WDR7: variants seen among roughly 807,000 people sequenced by gnomAD.
WDR7 encodes WD repeat-containing protein 7.
Under a neutral mutation model 169.4 loss-of-function variants are expected in WDR7, and 46 were observed. That is an observed-to-expected ratio of 0.27 (90% confidence interval 0.21 to 0.35). The LOEUF is 0.35. Ranked by LOEUF, WDR7 falls within the 10% of genes least tolerant of loss-of-function variation. The probability of loss-of-function intolerance (pLI) is 1.00; values close to 1 mark genes in which losing one functional copy is unlikely to be tolerated. For synonymous variants in WDR7, 612 were observed against 666.8 expected, an observed-to-expected ratio of 0.92 and a Z score of 1.27; for missense variants, 1,534 against 1,859.3, an observed-to-expected ratio of 0.83 and a Z score of 3.22.
intron 12 of WDR7, among the ~76,000 whole-genome samples, chr18:56,708,349 G>A (rs766201665): frequency 1.3e-5 from 2 of 151,940 alleles, no homozygotes; most frequent in Admixed American, 6.6e-5. Flanking sequence ...TTTATTTCTT[G>A]TAATGATATA....
chr18:56,715,457 G>A (rs2026170974), intron 12 of WDR7, among the ~76,000 whole-genome samples: 1 of 152,216 alleles, frequency 6.6e-6, no homozygotes, highest in Admixed American at 6.5e-5. Flanking sequence ...AAATAGGTCA[G>A]TTAGATGTGT....
chr18:56,824,157 A>G (rs2045154797), intron 20 of WDR7, among the ~76,000 whole-genome samples: 1 of 152,178 alleles, frequency 6.6e-6, no homozygotes, highest in Non-Finnish European at 1.5e-5. Flanking sequence ...CATACTTTGC[A>G]TGTGCCCCTC....
At chr18:56,972,993 A>G (rs2047513011) in intron 26 of WDR7, among the ~76,000 whole-genome samples, 1 of 152,114 alleles carries the variant, frequency 6.6e-6, no homozygotes, top group Non-Finnish European at 1.5e-5. Flanking sequence ...CTGCCTATGT[A>G]GCTGGGATTA....
chr18:56,817,767 A>C (rs529462221), intron 20 of WDR7, among the ~76,000 whole-genome samples: 4 of 148,178 alleles, frequency 2.7e-5, no homozygotes, highest in African/African-American at 1.0e-4. Context: ...TTTTTTTGAG[A>C]TGGAGTCTTG....
intron 10 of WDR7, 68 bp from the exon 11 acceptor site, chr18:56,694,882 T>C: frequency 1.3e-6 from 2 of 1,549,944 alleles, no homozygotes; most frequent in Non-Finnish European, 1.7e-6. Context: ...TCAACATTAT[T>C]TTAATGTTTT....
rs934084276 is a variant in WDR7, at chr18:56,834,679, A to G, written c.3304+18535A>G. 2.6e-5 allele frequency among the ~76,000 whole-genome samples: 4 copies of G among 152,086 alleles called. No individual in the cohort carries two copies. In the South Asian group the frequency reaches 8.3e-4, roughly 32 times the overall value. On this transcript the variant is annotated intron_variant, in intron 20 of 27. Coordinates refer to ENST00000254442, the MANE Select transcript of WDR7 (RefSeq NM_015285.3). ...TATTACACAACTATTTTCTTCCTTT[A>G]TCTGGATGGTGTATAATTTTGAAAT...
At chr18:56,674,745 A>G (rs1388370194) in intron 2 of WDR7, among the ~76,000 whole-genome samples, 3 of 152,184 alleles carry the variant, frequency 2.0e-5, no homozygotes, top group Non-Finnish European at 4.4e-5. Flanking sequence ...CCGTTGCTAA[A>G]TCTAAGGTCA....
chr18:56,863,343 T>C (rs573511897), intron 20 of WDR7, among the ~76,000 whole-genome samples: 10 of 151,882 alleles, frequency 6.6e-5, no homozygotes, highest in Middle Eastern at 3.4e-3. Context: ...GTTACAAATA[T>C]TGATTCTGTA....
chr18:56,870,106 A>G (rs2045933294), intron 20 of WDR7, among the ~76,000 whole-genome samples: 1 of 152,170 alleles, frequency 6.6e-6, no homozygotes, highest in South Asian at 2.1e-4. Context: ...TTGACTTCAA[A>G]GACTTGGGGT....
At chr18:56,712,586 G>A (rs1015481121) in intron 12 of WDR7, among the ~76,000 whole-genome samples, 6 of 152,080 alleles carry the variant, frequency 3.9e-5, no homozygotes, top group African/African-American at 1.4e-4. Context: ...ACTTTTAATT[G>A]GCATTTGATG....
intron 20 of WDR7, among the ~76,000 whole-genome samples, chr18:56,877,639 T>G (rs1331606651): frequency 6.6e-6 from 1 of 152,224 alleles, no homozygotes; most frequent in African/African-American, 2.4e-5. Flanking sequence ...TTGGTGTGTT[T>G]ATCTGTTGGT....
intron 20 of WDR7, among the ~76,000 whole-genome samples, chr18:56,870,285 G>A (rs1258260771): frequency 1.3e-5 from 2 of 151,956 alleles, no homozygotes; most frequent in East Asian, 1.9e-4. Context: ...TTATGGTATT[G>A]TACTTTATCC....
At chr18:56,825,250 G>T (rs1335203694) in intron 20 of WDR7, among the ~76,000 whole-genome samples, 1 of 152,198 alleles carries the variant, frequency 6.6e-6, no homozygotes, top group Non-Finnish European at 1.5e-5. Context: ...TTTATTTTTT[G>T]TGTGTGCATG....
intron 3 of WDR7, among the ~76,000 whole-genome samples, chr18:56,680,144 C>T (rs2025324828): frequency 6.6e-6 from 1 of 152,040 alleles, no homozygotes; most frequent in African/African-American, 2.4e-5. Flanking sequence ...ATCACGTGAG[C>T]ACAGGAGTTT....
chr18:56,747,523 C>G (rs1042063884), intron 14 of WDR7, among the ~76,000 whole-genome samples: 2 of 152,188 alleles, frequency 1.3e-5, no homozygotes, highest in Non-Finnish European at 2.9e-5. Context: ...CCAGTGGGCC[C>G]TGGCATTGGG....
chr18:56,781,668 C>G lies in WDR7; in HGVS notation c.3190+12C>G. 2 of 1,576,674 alleles carry G rather than the reference C, an allele frequency of 1.3e-6. No homozygotes were observed. Among genetic ancestry groups the G allele is most frequent in the Non-Finnish European group, 8.6e-7 (1 of 1,159,824 alleles). On this transcript the variant is annotated intron_variant, in intron 19 of 27. Coordinates refer to ENST00000254442, the MANE Select transcript of WDR7 (RefSeq NM_015285.3). The stretch of plus-strand genomic sequence containing the variant: ...CCACGTCATATCACGTAAGAGTTCT[C>G]ATGCTTCTCTACAAAGCTTTGCAGG...
intron 19 of WDR7, among the ~76,000 whole-genome samples, chr18:56,812,942 A>G (rs974652721): frequency 1.3e-5 from 2 of 149,366 alleles, no homozygotes; most frequent in African/African-American, 2.5e-5. Flanking sequence ...CCTTAATCCA[A>G]TCAAGTTGAC....
At chr18:56,792,682 T>A (rs1366519694) in intron 19 of WDR7, among the ~76,000 whole-genome samples, 1 of 151,796 alleles carries the variant, frequency 6.6e-6, no homozygotes, top group Non-Finnish European at 1.5e-5. Flanking sequence ...CTTTTGTCTT[T>A]TGGGGTTCTA....
chr18:56,965,336 T>G (rs190015321), intron 26 of WDR7, among the ~76,000 whole-genome samples: 1 of 151,954 alleles, frequency 6.6e-6, no homozygotes, highest in African/African-American at 2.4e-5. Context: ...ACTGAGAGAC[T>G]GAAGGGTCAT....
Sources: gnomAD v4.1 joint callset for allele counts (sites outside exome capture counted in the v4.1 genomes callset) on GRCh38, gnomAD v4.1.1 for gene constraint, MANE v1.5 for transcripts, NCBI Gene and HGNC (gene_info 2026-07-23, HGNC 2026-07-21) for gene names.